Variants in GABRB3 observed in about 807,000 individuals in gnomAD.
The protein encoded by GABRB3 is gamma-aminobutyric acid type A receptor subunit beta3, also known as gamma-aminobutyric acid receptor subunit beta-3.
Under a neutral mutation model 52.1 loss-of-function variants are expected in GABRB3, and 14 were observed. That is an observed-to-expected ratio of 0.27 (90% confidence interval 0.18 to 0.42). The LOEUF (loss-of-function observed/expected upper bound fraction) is 0.42. GABRB3 is among the 10% of genes least tolerant of loss of function. GABRB3 has a pLI of 1.00. For missense variants in GABRB3, 307 were observed against 609.1 expected (o/e 0.50, Z 5.22); for synonymous variants, 260 against 232.3 (o/e 1.12, Z -1.08).
intron 3 of GABRB3, among the ~76,000 whole-genome samples, chr15:26,770,897 A>G (rs949588294): frequency 1.3e-5 from 2 of 152,164 alleles, no homozygotes; most frequent in African/African-American, 4.8e-5. Flanking sequence ...AGTAAAATAG[A>G]CATGTTAATT....
intron 3 of GABRB3, among the ~76,000 whole-genome samples, chr15:26,717,565 C>T (rs1889529353): frequency 6.6e-6 from 1 of 152,202 alleles, no homozygotes; most frequent in Non-Finnish European, 1.5e-5. Context: ...CATGCCTTCC[C>T]AACAACGCTC....
intron 3 of GABRB3, among the ~76,000 whole-genome samples, chr15:26,703,061 T>C (rs577177236): frequency 1.3e-5 from 2 of 152,304 alleles, no homozygotes; most frequent in African/African-American, 4.8e-5. Flanking sequence ...CATAAGGACA[T>C]TGATCCCATT....
At chr15:26,629,059 A>G (rs1316662133) in intron 3 of GABRB3, 1 of 1,535,990 alleles carries the variant, frequency 6.5e-7, no homozygotes, top group Non-Finnish European at 8.7e-7. Context: ...AGACTCCGAG[A>G]GCCTCCGCCA....
intron 3 of GABRB3, among the ~76,000 whole-genome samples, chr15:26,643,467 C>G (rs992374506): frequency 1.3e-5 from 2 of 152,182 alleles, no homozygotes; most frequent in East Asian, 3.9e-4. Flanking sequence ...GGGTACCAGC[C>G]AAAGGGTAGT....
intron 3 of GABRB3, among the ~76,000 whole-genome samples, chr15:26,622,383 AATC>A (rs3046053): frequency 0.36 from 54,887 of 152,004 alleles, 10,588 homozygotes; most frequent in Middle Eastern, 0.47. Context: ...TGTTGGGGAC[AATC>A]ATCACTACTC....
chr15:26,755,364 C>T (rs1890633790), intron 3 of GABRB3, among the ~76,000 whole-genome samples: 1 of 152,060 alleles, frequency 6.6e-6, no homozygotes, highest in African/African-American at 2.4e-5. Context: ...ATTTTCTTTT[C>T]TTGTGTAAGA....
Position 26,722,722 on chromosome 15 carries a change from G to A in GABRB3, c.240+49680C>T, listed in dbSNP as rs150882318. On this transcript the variant is annotated intron_variant, in intron 3 of 8. Transcript: ENST00000311550. The stretch of plus-strand genomic sequence containing the variant: ...AGGAATACCATGGCTGGCCCGGGAA[G>A]CAGTCACAGAAATCAGGGTTTTCTG... Among the ~76,000 whole-genome samples, 469 of 152,260 alleles carry A rather than the reference G, an allele frequency of 3.1e-3. 3 individuals are homozygous for A. The highest frequency in any genetic ancestry group is 0.011 in the African/African-American group (442 of 41,554).
At chr15:26,766,332 G>A (rs755943750) in intron 3 of GABRB3, among the ~76,000 whole-genome samples, 16 of 152,190 alleles carry the variant, frequency 1.1e-4, no homozygotes, top group South Asian at 4.1e-4. Flanking sequence ...AAAGTCAGTT[G>A]ATGAATTCAG....
At chr15:26,589,183 C>T (rs1891103594) in intron 4 of GABRB3, among the ~76,000 whole-genome samples, 1 of 152,208 alleles carries the variant, frequency 6.6e-6, no homozygotes, top group Non-Finnish European at 1.5e-5. Context: ...AATATTCACA[C>T]ATTGATAAAT....
chr15:26,590,633 G>A (rs1300469981), intron 4 of GABRB3, among the ~76,000 whole-genome samples: 3 of 152,316 alleles, frequency 2.0e-5, no homozygotes, highest in South Asian at 2.1e-4. Context: ...CCAATGTTTC[G>A]TTTATCCCGA....
intron 3 of GABRB3, among the ~76,000 whole-genome samples, chr15:26,654,888 A>C (rs1389245804): frequency 6.6e-6 from 1 of 152,078 alleles, no homozygotes; most frequent in African/African-American, 2.4e-5. Flanking sequence ...GCTGGAGTAC[A>C]ACAGCACGAT....
intron 4 of GABRB3, among the ~76,000 whole-genome samples, chr15:26,608,067 A>G (rs1349070136): frequency 6.6e-6 from 1 of 151,484 alleles, no homozygotes; most frequent in Non-Finnish European, 1.5e-5. Flanking sequence ...AAACTATACT[A>G]CAAAGCTATA....
At chr15:26,727,931 A>C (rs1889815337) in intron 3 of GABRB3, among the ~76,000 whole-genome samples, 1 of 152,234 alleles carries the variant, frequency 6.6e-6, no homozygotes, top group Admixed American at 6.5e-5. Context: ...AGATAATTTC[A>C]GAAATTCTAT....
intron 3 of GABRB3, among the ~76,000 whole-genome samples, chr15:26,706,701 C>A (rs991400463): frequency 6.6e-6 from 1 of 152,142 alleles, no homozygotes; most frequent in Admixed American, 6.5e-5. Flanking sequence ...ATGAGTGAAG[C>A]AGAGTCATCA....
chr15:26,730,417 C>CAA (rs66961147), intron 3 of GABRB3, among the ~76,000 whole-genome samples: 17 of 67,910 alleles, frequency 2.5e-4, no homozygotes, highest in Non-Finnish European at 3.1e-4. Context: ...GACTCCGTCT[C>CAA]AAAAAAAAAA....
intron 3 of GABRB3, among the ~76,000 whole-genome samples, chr15:26,684,315 C>T (rs1888333415): frequency 6.6e-6 from 1 of 152,122 alleles, no homozygotes. Context: ...GGGTGGAGGT[C>T]TGGTGGCCAC....
Position 26,547,627 on chromosome 15 carries a change from T to C in GABRB3, c.*166A>G. 4.7e-6 allele frequency: 3 copies of C among 633,598 alleles called. No homozygotes were observed. Among genetic ancestry groups the C allele is most frequent in the Non-Finnish European group, 8.4e-6 (3 of 357,708 alleles). 39.2% of individuals were successfully genotyped at this position (633,598 alleles called of 1,614,324 possible). ...ACACATACATCCTCATATACACGTG[T>C]ATTTTATATATATGCTGAGAAAGTT... On this transcript the variant is annotated 3_prime_UTR_variant, in exon 9 of 9. Transcript: ENST00000311550.
intron 8 of GABRB3, among the ~76,000 whole-genome samples, chr15:26,554,770 C>A (rs1451432760): frequency 1.3e-5 from 2 of 152,138 alleles, no homozygotes; most frequent in Non-Finnish European, 2.9e-5. Flanking sequence ...AGTGATCTGC[C>A]ATTTTCACAA....
At chr15:26,644,494 C>T (rs530263187) in intron 3 of GABRB3, among the ~76,000 whole-genome samples, 2 of 152,256 alleles carry the variant, frequency 1.3e-5, no homozygotes, top group Non-Finnish European at 2.9e-5. Flanking sequence ...CAAGCAATGC[C>T]AAAGATGGCC....
Sources: gnomAD v4.1 joint callset for allele counts (sites outside exome capture counted in the v4.1 genomes callset) on GRCh38, gnomAD v4.1.1 for gene constraint, MANE v1.5 for transcripts, NCBI Gene and HGNC (gene_info 2026-07-23, HGNC 2026-07-21) for gene names.